Variants in TRIM58 observed in about 807,000 individuals in gnomAD.
TRIM58 encodes the protein E3 ubiquitin-protein ligase TRIM58.
A neutral mutation model predicts 34.1 loss-of-function variants in TRIM58; 38 were observed. The ratio of observed to expected loss-of-function variants is 1.12; its 90% confidence interval spans 0.86 to 1.46. The LOEUF is 1.46. Among genes scored for constraint, TRIM58 ranks in the 40% most tolerant of loss-of-function variants. The pLI is 0.00. For missense variants in TRIM58, 677 were observed against 642.0 expected (o/e 1.05, Z -0.59); for synonymous variants, 273 against 275.7 (o/e 0.99, Z 0.10).
intron 5 of TRIM58, among the ~76,000 whole-genome samples, chr1:247,874,754 A>T (rs1056733345): frequency 3.9e-5 from 6 of 152,206 alleles, no homozygotes; most frequent in Non-Finnish European, 8.8e-5. Context: ...AAGACCAGAC[A>T]TCCAAGTGGG....
intron 3 of TRIM58, among the ~76,000 whole-genome samples, chr1:247,866,647 C>T (rs1163086530): frequency 2.0e-5 from 3 of 152,128 alleles, no homozygotes; most frequent in East Asian, 1.9e-4. Flanking sequence ...CTGTCACTCA[C>T]GCTGGAGTGC....
chr1:247,860,627 A>C lies in TRIM58; in HGVS notation c.431A>C (p.Gln144Pro). The C allele has an allele frequency of 6.2e-7, 1 of 1,613,488 alleles. No individual in the cohort carries two copies. Among genetic ancestry groups the C allele is most frequent in the Non-Finnish European group, 8.5e-7 (1 of 1,179,600 alleles). The change falls in exon 2 of 6, where the codon CAG becomes CCG. Residue 144 changes from glutamine (Q) to proline (P), a missense_variant. Gln to Pro is a moderately conservative substitution (Grantham distance 76). Transcript: ENST00000366481. ...EAAGSYQVKL[Q>P]MALELMRKEL... ...AATGTTCCCAAACAGGTAAAGCTCC[A>C]GATGGCTCTGGAACTTATGAGGAAA...
chr1:247,859,770 TTATA>T (rs1389466147), intron 1 of TRIM58, among the ~76,000 whole-genome samples: 2 of 151,830 alleles, frequency 1.3e-5, no homozygotes, highest in Non-Finnish European at 2.9e-5. Context: ...CAGAATACAG[TTATA>T]TAGAGAAATA....
intron 3 of TRIM58, among the ~76,000 whole-genome samples, chr1:247,866,881 T>A (rs184635222): frequency 6.7e-4 from 102 of 152,304 alleles, no homozygotes; most frequent in African/African-American, 2.3e-3. Context: ...ATTTTACCCC[T>A]GAAGGCCAAG....
Position 247,857,510 on chromosome 1 carries a change from C to T in TRIM58, c.264C>T (p.Gly88=). 1 of 1,289,238 alleles carries T rather than the reference C, an allele frequency of 7.8e-7. No homozygotes were observed. The highest frequency in any genetic ancestry group is 9.8e-7 in the Non-Finnish European group (1 of 1,020,620). 79.9% of individuals were successfully genotyped at this position (1,289,238 alleles called of 1,614,324 possible). ...LVESVRRLGL[G]AGPGARRCAR... is the part of the protein sequence containing the mutation. ...AGAGCGTGCGGCGGCTGGGGTTGGG[C>T]GCGGGGCCCGGGGCGCGGCGATGCG... is the stretch of plus-strand genomic sequence containing the variant. The change falls in exon 1 of 6, where the codon GGC becomes GGT. Residue 88 remains glycine (G), a synonymous_variant. Transcript: ENST00000366481.
chr1:247,876,588 C>A lies in TRIM58; in HGVS notation c.*99C>A. 1 of 874,968 alleles carries A rather than the reference C, an allele frequency of 1.1e-6. No individual in the cohort carries two copies. Among genetic ancestry groups the A allele is most frequent in the African/African-American group, 1.7e-5 (1 of 59,102 alleles). 54.2% of individuals were successfully genotyped at this position (874,968 alleles called of 1,614,324 possible). On this transcript the variant is annotated 3_prime_UTR_variant, in exon 6 of 6. Transcript: ENST00000366481. Reference sequence around the variant, plus strand: ...GTTTTAACAGATACCCCATTTAGGTCAGCACTTGATTCGTTGTTGCTGTGA... The same window carrying A: ...GTTTTAACAGATACCCCATTTAGGTAAGCACTTGATTCGTTGTTGCTGTGA...
chr1:247,863,560 C>A (rs73139853), intron 2 of TRIM58, among the ~76,000 whole-genome samples: 5,769 of 151,206 alleles, frequency 0.038, 385 homozygotes, highest in African/African-American at 0.13. Flanking sequence ...AAAAAAAAAA[C>A]CAGGCAAATG....
intron 4 of TRIM58, 45 bp from the exon 5 acceptor site, chr1:247,867,914 AGCTG>A: frequency 6.2e-7 from 1 of 1,613,846 alleles, no homozygotes; most frequent in Non-Finnish European, 8.5e-7. Context: ...GAGGCAGAGG[AGCTG>A]GTGGAGAACC....
At chr1:247,862,311 T>C (rs538571627) in intron 2 of TRIM58, among the ~76,000 whole-genome samples, 2 of 152,298 alleles carry the variant, frequency 1.3e-5, no homozygotes, top group South Asian at 4.1e-4. Context: ...GACAAACTTA[T>C]CAATATTATT....
In TRIM58 at chr1:247,868,076, T is replaced by TA. The variant is rs1444652076; in HGVS notation, c.871+14dup. The stretch of plus-strand genomic sequence containing the variant: ...AGGAAGTTCCAAGGTAGTTGCATCT[T>TA]AGAGACTGGGAATTAGGCTGCCTGG... On this transcript the variant is annotated intron_variant, in intron 5 of 5. Coordinates refer to ENST00000366481, the MANE Select transcript of TRIM58 (RefSeq NM_015431.4). 1.3e-6 allele frequency: 2 copies of TA among 1,590,694 alleles called. No individual in the cohort carries two copies. Among genetic ancestry groups the TA allele is most frequent in the Non-Finnish European group, 8.6e-7 (1 of 1,167,926 alleles).
intron 2 of TRIM58, 54 bp downstream of exon 2, chr1:247,860,766 G>C: frequency 7.2e-7 from 1 of 1,391,838 alleles, no homozygotes; most frequent in Admixed American, 1.7e-5. Flanking sequence ...ATCCAGATTC[G>C]GGTCAGTAAT....
rs751516923 is a variant in TRIM58 at position 247,864,857 on chromosome 1, C to T, written c.669C>T (p.Val223=). The change falls in exon 3 of 6, where the codon GTC becomes GTT. Residue 223 remains valine, a synonymous_variant. Coordinates refer to ENST00000366481, the MANE Select transcript of TRIM58 (RefSeq NM_015431.4). ...TGCGGGAGAGCAAGAGCCGGCTGGT[C>T]CAGCAGAGCAAGGCCCTGAAGGAGC... ...QRLRESKSRL[V]QQSKALKELA... is the part of the protein sequence containing the mutation. 8 of 1,612,028 alleles carry T rather than the reference C, an allele frequency of 5.0e-6. No individual in the cohort carries two copies. Among genetic ancestry groups the T allele is most frequent in the Non-Finnish European group, 6.8e-6 (8 of 1,179,534 alleles).
At position 247,879,156 on chromosome 1, in the gene TRIM58, A is replaced by G. The variant is rs1382240544; in HGVS notation, c.*2667A>G. ...CTCCCCAAGTCTCTCCCTAACTGCA[A>G]CAACAAAAACCACAGGCTTCTCCCT... On this transcript the variant is annotated 3_prime_UTR_variant, in exon 6 of 6. Coordinates refer to ENST00000366481, the MANE Select transcript of TRIM58 (RefSeq NM_015431.4). Among the ~76,000 whole-genome samples the G allele has an allele frequency of 1.3e-5, 2 of 152,130 alleles. No homozygotes were observed. Among genetic ancestry groups the G allele is most frequent in the Non-Finnish European group, 2.9e-5 (2 of 68,020 alleles).
rs571018856 is a variant in TRIM58 at position 247,858,745 on chromosome 1, G to A, written c.420+1079G>A. Among the ~76,000 whole-genome samples, 8 of 136,902 alleles carry A rather than the reference G, an allele frequency of 5.8e-5. 1 individual carries two copies. The South Asian group carries it at 1.9e-3, about 33-fold the overall frequency. The allele number at this position is 136,902 out of a possible 152,430, so 89.8% of individuals were successfully genotyped here. On this transcript the variant is annotated intron_variant, in intron 1 of 5. Coordinates refer to ENST00000366481, the MANE Select transcript of TRIM58 (RefSeq NM_015431.4). The stretch of plus-strand genomic sequence containing the variant: ...TAAAAAAAGTCCAGAAAGAGGATTG[G>A]TAGTAACTTTTTTTTTTTTTTTTTT...
chr1:247,876,942 TTC>T lies in TRIM58; in HGVS notation c.*458_*459del. 1 of 166,742 alleles carries T rather than the reference TTC, an allele frequency of 6.0e-6. No homozygotes were observed. Among genetic ancestry groups the T allele is most frequent in the South Asian group, 1.5e-4 (1 of 6,618 alleles). The allele number at this position is 166,742 out of a possible 1,614,324, so 10.3% of individuals were successfully genotyped here. On this transcript the variant is annotated 3_prime_UTR_variant, in exon 6 of 6. Transcript: ENST00000366481. ...CTCGTTTTCCTGATTTTCCTTCTCATTCTCTCCTTCCCCGCTCTGTCTCTCTC... is the reference window on the plus strand; with the variant it reads ...CTCGTTTTCCTGATTTTCCTTCTCATTCTCCTTCCCCGCTCTGTCTCTCTC...
intron 5 of TRIM58, among the ~76,000 whole-genome samples, chr1:247,875,637 C>T (rs1349087585): frequency 2.6e-5 from 4 of 151,828 alleles, no homozygotes; most frequent in Admixed American, 6.6e-5. Flanking sequence ...TTGTCGTCAT[C>T]AATAGTTGTT....
At chr1:247,869,594 T>G (rs1664012627) in intron 5 of TRIM58, among the ~76,000 whole-genome samples, 1 of 152,242 alleles carries the variant, frequency 6.6e-6, no homozygotes, top group Admixed American at 6.5e-5. Flanking sequence ...TGGTGCCTCC[T>G]GCACTGTAGA....
At chr1:247,868,288 G>A (rs1031237981) in intron 5 of TRIM58, among the ~76,000 whole-genome samples, 2 of 152,040 alleles carry the variant, frequency 1.3e-5, no homozygotes, top group Non-Finnish European at 2.9e-5. Context: ...CCTAGGTGTG[G>A]GGACTTCTGT....
rs557262164 is a variant in TRIM58, at chr1:247,877,853, A to G, written c.*1364A>G. 2 of 152,244 alleles carry G rather than the reference A, an allele frequency of 1.3e-5. No individual in the cohort carries two copies. The highest frequency in any genetic ancestry group is 2.9e-5 in the Non-Finnish European group (2 of 68,000). The allele number at this position is 152,244 out of a possible 1,614,324, so 9.4% of individuals were successfully genotyped here. A position where few individuals can be genotyped will look rare whatever the true frequency, so the allele number is the denominator to read the frequency against. On this transcript the variant is annotated 3_prime_UTR_variant, in exon 6 of 6. Coordinates refer to ENST00000366481, the MANE Select transcript of TRIM58 (RefSeq NM_015431.4). The stretch of plus-strand genomic sequence containing the variant: ...AGGCTAACCTTACTGCCTTCTTTGT[A>G]TCACTGTCTTCTAAATAATTATTAT...
Sources: gnomAD v4.1 joint callset for allele counts (sites outside exome capture counted in the v4.1 genomes callset) on GRCh38, gnomAD v4.1.1 for gene constraint, MANE v1.5 for transcripts, NCBI Gene and HGNC (gene_info 2026-07-23, HGNC 2026-07-21) for gene names.